Variants in S100Z observed in about 807,000 individuals in gnomAD.
S100Z encodes the protein S100 calcium binding protein Z, also known as protein S100-Z.
Under a neutral mutation model 8.5 loss-of-function variants are expected in S100Z, and 11 were observed. That is an observed-to-expected ratio of 1.30 (90% confidence interval 0.82 to 2.15). S100Z has a LOEUF of 2.15. S100Z is among the 30% of genes most tolerant of loss of function. S100Z has a pLI of 0.00. For synonymous variants in S100Z, 34 were observed against 43.8 expected (o/e 0.78, Z 0.89); for missense variants, 126 against 117.9 (o/e 1.07, Z -0.32).
the S100Z span, among the ~76,000 whole-genome samples, chr5:76,927,079 T>G: frequency 6.6e-6 from 1 of 152,202 alleles, no homozygotes; most frequent in Non-Finnish European, 1.5e-5. Context: ...CTTCTTACGC[T>G]AATAGTAGTA....
chr5:76,898,745 T>C (rs920004797), intron 4 of S100Z, among the ~76,000 whole-genome samples: 5 of 152,144 alleles, frequency 3.3e-5, no homozygotes, highest in Non-Finnish European at 5.9e-5. Context: ...ATCAAAGATA[T>C]TGCCCTGTAG....
the S100Z span, among the ~76,000 whole-genome samples, chr5:76,932,681 A>AG: frequency 0.014 from 2,057 of 152,320 alleles, 38 homozygotes; most frequent in African/African-American, 0.047. Flanking sequence ...AACTCCAGTT[A>AG]GGGAGATGTC....
At chr5:76,940,655 C>T in the S100Z span, among the ~76,000 whole-genome samples, 1 of 152,280 alleles carries the variant, frequency 6.6e-6, no homozygotes, top group Non-Finnish European at 1.5e-5. Context: ...TCAAGTGATC[C>T]ACCCACCACG....
At chr5:76,889,276 G>A (rs146731163) in intron 4 of S100Z, among the ~76,000 whole-genome samples, 298 of 152,194 alleles carry the variant, frequency 2.0e-3, no homozygotes, top group African/African-American at 7.1e-3. Context: ...ACGTATGTCT[G>A]TGTTGTTTTA....
At chr5:76,875,119 C>A (rs547415641) in intron 2 of S100Z, among the ~76,000 whole-genome samples, 185 bp from the exon 3 acceptor site, 26 of 152,270 alleles carry the variant, frequency 1.7e-4, no homozygotes, top group Non-Finnish European at 3.2e-4. Flanking sequence ...TCTCGATCTT[C>A]TGACCTTGTG....
intron 4 of S100Z, among the ~76,000 whole-genome samples, chr5:76,891,327 C>T (rs1743846994): frequency 6.6e-6 from 1 of 152,132 alleles, no homozygotes. Flanking sequence ...ATTCAGATTC[C>T]AATTCAATTA....
At chr5:76,863,759 C>G (rs1032216409) in intron 1 of S100Z, among the ~76,000 whole-genome samples, 8 of 152,020 alleles carry the variant, frequency 5.3e-5, no homozygotes, top group Admixed American at 2.0e-4. Context: ...AGGATGGTCT[C>G]GATCTCCTGA....
At chr5:76,917,106 A>G (rs1454311913) in intron 4 of S100Z, among the ~76,000 whole-genome samples, 2 of 141,016 alleles carry the variant, frequency 1.4e-5, no homozygotes, top group Middle Eastern at 3.6e-3. Flanking sequence ...AGCCTAGGTG[A>G]CAGAGTGAGA....
rs531765638 is a variant in S100Z, at chr5:76,875,081, C to G, written c.-56-223C>G. 3.3e-5 allele frequency among the ~76,000 whole-genome samples: 5 copies of G among 152,068 alleles called. No homozygotes were observed. The East Asian group carries it at 7.8e-4, about 24-fold the overall frequency. ...TTTTTTTTTGTATTTTTAGTAGAGA[C>G]GGGGTTTCACCGTGTTAGCCAGGAT... is the stretch of plus-strand genomic sequence containing the variant. On this transcript the variant is annotated intron_variant, in intron 2 of 4. Coordinates refer to ENST00000317593, the MANE Select transcript of S100Z (RefSeq NM_130772.4).
At chr5:76,939,941 C>T in the S100Z span, among the ~76,000 whole-genome samples, 2 of 151,898 alleles carry the variant, frequency 1.3e-5, no homozygotes, top group South Asian at 2.1e-4. Context: ...GGGCGGATCA[C>T]GAGGTCAAGA....
rs1304712431 is a variant in S100Z at position 76,875,431 on chromosome 5, G to C, written c.72G>C (p.Arg24Ser). 6.2e-6 allele frequency: 10 copies of C among 1,613,198 alleles called. No individual in the cohort carries two copies. Among genetic ancestry groups the C allele is most frequent in the African/African-American group, 1.3e-5 (1 of 74,864 alleles). ...RIFHRYSGKERKRFKLSKGEL... is the reference protein window; with the variant it reads ...RIFHRYSGKESKRFKLSKGEL... ...TCCACCGCTATTCTGGCAAGGAAAG[G>C]AAGAGATTCAAGCTCAGCAAGGGGG... Residue 24 changes from arginine (R) to serine (S), a missense_variant, in exon 3 of 5, where the codon AGG becomes AGC. Arg to Ser is a moderately radical substitution (Grantham distance 110). Coordinates refer to ENST00000317593, the MANE Select transcript of S100Z (RefSeq NM_130772.4).
chr5:76,939,696 A>G, the S100Z span, among the ~76,000 whole-genome samples: 1 of 151,124 alleles, frequency 6.6e-6, no homozygotes, highest in Admixed American at 6.6e-5. Context: ...TATTTTTAGT[A>G]GAGACCAGGT....
chr5:76,947,528 G>A, the S100Z span, among the ~76,000 whole-genome samples: 6 of 152,122 alleles, frequency 3.9e-5, no homozygotes, highest in South Asian at 2.1e-4. Flanking sequence ...TATAAAATTC[G>A]TATGAAACCT....
chr5:76,882,980 C>T lies in S100Z; in HGVS notation c.*2+5146C>T, dbSNP rs143542891. On this transcript the variant is annotated intron_variant, in intron 4 of 4. Transcript: ENST00000317593. The stretch of plus-strand genomic sequence containing the variant: ...AGGCAAGACAATTTGGTTGATAAGG[C>T]GCAGATCCTGAACTAAGGTAAGGCT... 4.3e-3 allele frequency among the ~76,000 whole-genome samples: 649 copies of T among 152,128 alleles called. 5 individuals are homozygous for T. The highest frequency in any genetic ancestry group is 0.015 in the African/African-American group (619 of 41,474).
intron 4 of S100Z, among the ~76,000 whole-genome samples, chr5:76,882,246 G>T (rs74993610): frequency 6.6e-6 from 1 of 152,130 alleles, no homozygotes; most frequent in African/African-American, 2.4e-5. Context: ...TTAAGGCAGC[G>T]GCAGCCACTG....
the S100Z span, among the ~76,000 whole-genome samples, chr5:76,932,649 T>C: frequency 6.6e-6 from 1 of 152,194 alleles, no homozygotes; most frequent in Non-Finnish European, 1.5e-5. Flanking sequence ...CCACCGTGCC[T>C]GGCTGTGAAG....
At chr5:76,867,728 T>C (rs1381854123) in intron 1 of S100Z, among the ~76,000 whole-genome samples, 1 of 151,928 alleles carries the variant, frequency 6.6e-6, no homozygotes, top group Non-Finnish European at 1.5e-5. Context: ...ATTACAGGCA[T>C]GCATAACCAT....
intron 4 of S100Z, among the ~76,000 whole-genome samples, chr5:76,888,928 C>T (rs1743758851): frequency 6.6e-6 from 1 of 152,168 alleles, no homozygotes; most frequent in South Asian, 2.1e-4. Flanking sequence ...TGCCCTTGCC[C>T]CACATGTGAC....
At chr5:76,907,155 T>C (rs1397108642) in intron 4 of S100Z, among the ~76,000 whole-genome samples, 1 of 151,748 alleles carries the variant, frequency 6.6e-6, no homozygotes, top group Non-Finnish European at 1.5e-5. Flanking sequence ...GACTATCCTT[T>C]TTTTCTGTTG....
Sources: allele counts gnomAD v4.1 joint callset (sites outside exome capture counted in the v4.1 genomes callset), GRCh38; gene constraint gnomAD v4.1.1; transcripts MANE v1.5; gene names NCBI Gene and HGNC (gene_info 2026-07-23, HGNC 2026-07-21).